Variants in PIGG observed in about 807,000 individuals in gnomAD.
PIGG encodes GPI ethanolamine phosphate transferase 2, catalytic subunit.
In PIGG, 70 loss-of-function variants were observed where a neutral mutation model predicts 83.2. That is an observed-to-expected ratio of 0.84 (90% CI 0.69 to 1.03). The LOEUF is 1.03. Ranked by LOEUF, PIGG falls within the 50% of genes least tolerant of loss-of-function variation. The pLI, the probability that PIGG is intolerant of heterozygous loss-of-function variation, is 0.00. For synonymous variants in PIGG, 532 were observed against 519.5 expected, an observed-to-expected ratio of 1.02 and a Z score of -0.33; for missense variants, 1,257 against 1,233.6, an observed-to-expected ratio of 1.02 and a Z score of -0.28.
intron 2 of PIGG, among the ~76,000 whole-genome samples, chr4:503,247 T>G (rs1718388062): frequency 6.6e-6 from 1 of 152,190 alleles, no homozygotes; most frequent in Non-Finnish European, 1.5e-5. Flanking sequence ...CAGCCTGAAC[T>G]GTTATAAATG....
intron 11 of PIGG, chr4:532,982 G>A (rs1729447829): frequency 6.6e-6 from 1 of 152,292 alleles, no homozygotes; most frequent in Non-Finnish European, 1.5e-5. Context: ...GGAGCAGAGA[G>A]GAGGGGCCTA....
At chr4:505,032 T>C (rs1179349790) in intron 2 of PIGG, among the ~76,000 whole-genome samples, 1 of 152,170 alleles carries the variant, frequency 6.6e-6, no homozygotes, top group African/African-American at 2.4e-5. Context: ...TTAGGAGTCG[T>C]ATGGACTTTG....
intron 1 of PIGG, chr4:500,154 C>T: frequency 1.9e-6 from 1 of 532,332 alleles, no homozygotes; most frequent in Non-Finnish European, 3.4e-6. Flanking sequence ...TACCCCAGTA[C>T]TCTTCACCAT....
rs376258418 is a variant in PIGG, at chr4:515,962, C to T, written c.902-11C>T. 1.9e-6 allele frequency: 3 copies of T among 1,608,548 alleles called. No individual in the cohort carries two copies. The South Asian group carries it at 3.3e-5, about 18-fold the overall frequency. ...AGAAGTCTGTTACTTAAAATGTTTT[C>T]TTTCTTCTAGGTGATATCCGACATC... On this transcript the variant is annotated splice_polypyrimidine_tract_variant and intron_variant, in intron 5 of 12. Coordinates refer to ENST00000453061, the MANE Select transcript of PIGG (RefSeq NM_001127178.3). This position sits in a 1 kb window ranked among gnomAD's most constrained non-coding sequence, Gnocchi z 4.2.
rs563341289 is a variant in PIGG at position 534,225 on chromosome 4, C to T, written c.2735+244C>T. ...CCGGGCTCCCCAGGGTTGGGTCTGA[C>T]GGGGCCTCGCTGGGCTGCCCAGGTC... On this transcript the variant is annotated intron_variant, in intron 12 of 12. Transcript: ENST00000453061. Among the ~76,000 whole-genome samples, 29 of 152,146 alleles carry T rather than the reference C, an allele frequency of 1.9e-4. No individual in the cohort carries two copies. The East Asian group carries it at 2.3e-3, about 12-fold the overall frequency.
At chr4:505,623 A>T in intron 2 of PIGG, 95 bp from the exon 3 acceptor site, 2 of 798,130 alleles carry the variant, frequency 2.5e-6, no homozygotes, top group South Asian at 1.7e-5. Context: ...ACAGAGAGGG[A>T]CCCTGTCTCA....
chr4:516,824 C>G (rs1311178985), intron 6 of PIGG, among the ~76,000 whole-genome samples: 2 of 145,884 alleles, frequency 1.4e-5, no homozygotes, highest in Non-Finnish European at 3.0e-5. Flanking sequence ...CTACTGCACT[C>G]CAGCCTGGCA....
In PIGG at chr4:505,765, C is replaced by T. The variant is rs1313610684; in HGVS notation, c.408C>T (p.Asn136=). Residue 136 remains asparagine, a synonymous_variant, in exon 3 of 13, where the codon AAC becomes AAT. Transcript: ENST00000453061. ...SLPGFVDVIR[N]LNSPALLEDS... ...CTGGCTTTGTCGACGTCATCAGGAA[C>T]CTCAATTCTCCTGCACTGCTGGAAG... 1.9e-6 allele frequency: 3 copies of T among 1,613,332 alleles called. No homozygotes were observed. The highest frequency in any genetic ancestry group is 2.5e-6 in the Non-Finnish European group (3 of 1,179,904).
chr4:511,234 A>C (rs1721814611), intron 5 of PIGG, among the ~76,000 whole-genome samples: 1 of 150,154 alleles, frequency 6.7e-6, no homozygotes, highest in African/African-American at 2.5e-5. Flanking sequence ...CGGAGGTTGC[A>C]GTGAGCCGAG....
chr4:507,317 A>G (rs1410052345), intron 3 of PIGG, 88 bp from the exon 4 acceptor site: 1 of 1,045,844 alleles, frequency 9.6e-7, no homozygotes, highest in Admixed American at 2.2e-5. Context: ...AAACCCCTAG[A>G]TTTTAAGATG....
chr4:513,685 C>T (rs569551308), intron 5 of PIGG, among the ~76,000 whole-genome samples: 23 of 152,242 alleles, frequency 1.5e-4, no homozygotes, highest in African/African-American at 4.6e-4. Flanking sequence ...TAGAGACCGG[C>T]GGTGAAAGGA....
chr4:536,902 AG>A (rs1730789763), intron 12 of PIGG: 1 of 152,140 alleles, frequency 6.6e-6, no homozygotes, highest in Non-Finnish European at 1.5e-5. Context: ...CTCTCTCTGT[AG>A]GTTTGGTCTT....
chr4:507,698 A>G (rs1720247878), intron 4 of PIGG, 105 bp downstream of exon 4: 2 of 975,560 alleles, frequency 2.1e-6, no homozygotes, highest in Non-Finnish European at 3.0e-6. Context: ...GTGAATGTCC[A>G]CCATCAGTCT....
At chr4:519,063 A>G (rs1321994908) in intron 6 of PIGG, among the ~76,000 whole-genome samples, 2 of 152,234 alleles carry the variant, frequency 1.3e-5, no homozygotes, top group Non-Finnish European at 2.9e-5. Flanking sequence ...CAGCGTAAAC[A>G]TCAGACCTTC....
At chr4:535,666 G>A (rs1331349856) in intron 12 of PIGG, among the ~76,000 whole-genome samples, 1 of 152,168 alleles carries the variant, frequency 6.6e-6, no homozygotes, top group Non-Finnish European at 1.5e-5. Flanking sequence ...GGTGCTGACT[G>A]CTGAGCCCCC....
rs549072538 is a variant in PIGG, at chr4:523,448, C to A, written c.1615-11C>A. On this transcript the variant is annotated splice_polypyrimidine_tract_variant and intron_variant, in intron 8 of 12. Coordinates refer to ENST00000453061, the MANE Select transcript of PIGG (RefSeq NM_001127178.3). Reference sequence around the variant, plus strand: ...GACCGTCTCTTACAAAGTGCACTTTCCTTTTCACAGAACCCCATGCATCCC... The same window carrying A: ...GACCGTCTCTTACAAAGTGCACTTTACTTTTCACAGAACCCCATGCATCCC... The A allele has an allele frequency of 2.5e-6, 4 of 1,587,508 alleles. No individual in the cohort carries two copies. The Admixed American group carries it at 5.1e-5, about 20-fold the overall frequency.
intron 9 of PIGG, among the ~76,000 whole-genome samples, chr4:526,076 C>G (rs769467112): frequency 1.3e-5 from 2 of 152,174 alleles, no homozygotes; most frequent in East Asian, 3.9e-4. Flanking sequence ...GTTTTCCTTA[C>G]GCGAGGTCAA....
rs757726750 is a variant in PIGG at position 521,777 on chromosome 4, T to C, written c.1450T>C (p.Ser484Pro). 32 of 1,614,120 alleles carry C rather than the reference T, an allele frequency of 2.0e-5. No individual in the cohort carries two copies. The highest frequency in any genetic ancestry group is 6.7e-5 in the Admixed American group (4 of 60,006). ...LLFYLVILVLSAVHVIVCTSA... is the reference protein window; with the variant it reads ...LLFYLVILVLPAVHVIVCTSA... ...CTTTTATTTGGTGATCCTGGTTCTTTCGGCCGTTCACGTCATTGTGTGCAC... is the reference window on the plus strand; with the variant it reads ...CTTTTATTTGGTGATCCTGGTTCTTCCGGCCGTTCACGTCATTGTGTGCAC... Residue 484 changes from serine (S) to proline (P), a missense_variant, in exon 8 of 13, where the codon TCG becomes CCG. Ser to Pro is a moderately conservative substitution (Grantham distance 74). Transcript: ENST00000453061.
At position 523,443 on chromosome 4, in the gene PIGG, A is replaced by C; in HGVS notation, c.1615-16A>C. Reference sequence around the variant, plus strand: ...TATCAGACCGTCTCTTACAAAGTGCACTTTCCTTTTCACAGAACCCCATGC... The same window carrying C: ...TATCAGACCGTCTCTTACAAAGTGCCCTTTCCTTTTCACAGAACCCCATGC... On this transcript the variant is annotated splice_polypyrimidine_tract_variant and intron_variant, in intron 8 of 12. Transcript: ENST00000453061. The C allele has an allele frequency of 6.4e-7, 1 of 1,573,194 alleles. No homozygotes were observed. Among genetic ancestry groups the C allele is most frequent in the East Asian group, 2.2e-5 (1 of 44,490 alleles).
Sources: gnomAD v4.1 joint callset for allele counts (sites outside exome capture counted in the v4.1 genomes callset) on GRCh38, gnomAD v4.1.1 for gene constraint, Gnocchi (gnomAD v3.1) non-coding constraint, MANE v1.5 for transcripts, NCBI Gene and HGNC (gene_info 2026-07-23, HGNC 2026-07-21) for gene names.